The following CTNNA3 variants were observed in gnomAD, a reference collection of about 807,000 sequenced individuals.
CTNNA3 encodes catenin alpha-3.
CTNNA3 carries 76 observed loss-of-function variants against 95.7 expected under a neutral mutation model. The ratio of observed to expected loss-of-function variants is 0.79; its 90% confidence interval spans 0.66 to 0.96. The LOEUF (loss-of-function observed/expected upper bound fraction) is 0.96, where lower values mean the gene tolerates loss of function less well. CTNNA3 is among the 40% of genes least tolerant of loss of function. The probability of loss-of-function intolerance (pLI) is 0.00; values close to 1 mark genes in which losing one functional copy is unlikely to be tolerated. For missense variants in CTNNA3, 1,191 were observed against 1,089.8 expected, an observed-to-expected ratio of 1.09 and a Z score of -1.31; for synonymous variants, 431 against 374.4, an observed-to-expected ratio of 1.15 and a Z score of -1.74.
At chr10:66,332,492 T>C (rs146046269) in intron 12 of CTNNA3, among the ~76,000 whole-genome samples, 2,367 of 152,060 alleles carry the variant, frequency 0.016, 70 homozygotes, top group African/African-American at 0.055. Context: ...AATCATGTGG[T>C]TTTTGTCATT....
chr10:66,773,845 G>A (rs529691992), intron 8 of CTNNA3, among the ~76,000 whole-genome samples: 1 of 152,186 alleles, frequency 6.6e-6, no homozygotes, highest in East Asian at 1.9e-4. Flanking sequence ...ACTGATGGTA[G>A]TGAGGTGGAA....
At chr10:66,354,723 C>T (rs12573282) in intron 12 of CTNNA3, among the ~76,000 whole-genome samples, 79,798 of 151,740 alleles carry the variant, frequency 0.53, 22,828 homozygotes, top group Non-Finnish European at 0.64. Context: ...CCATTAGGAC[C>T]TAGACATCCA....
chr10:67,739,712 C>T (rs1196752348), intron 1 of CTNNA3, among the ~76,000 whole-genome samples: 1 of 152,048 alleles, frequency 6.6e-6, no homozygotes, highest in East Asian at 1.9e-4. Context: ...GAATCAATAT[C>T]GTGAAAATGG....
rs148125406 is a variant in CTNNA3 at position 67,335,665 on chromosome 10, C to A, written c.580-115795G>T. Among the ~76,000 whole-genome samples, 5 of 152,246 alleles carry A rather than the reference C, an allele frequency of 3.3e-5. No homozygotes were observed. The East Asian group carries it at 9.6e-4, about 29-fold the overall frequency. On this transcript the variant is annotated intron_variant, in intron 5 of 17. Coordinates refer to ENST00000433211, the MANE Select transcript of CTNNA3 (RefSeq NM_013266.4). ...GTTTAATATTAAAAGTGTTTTGAGT[C>A]TTTACTTAGAAGTTTGATATTTCTA...
chr10:67,538,691 C>T (rs1840566905), intron 4 of CTNNA3, among the ~76,000 whole-genome samples: 1 of 151,796 alleles, frequency 6.6e-6, no homozygotes, highest in African/African-American at 2.4e-5. Context: ...CAAATAAGAC[C>T]ATTGCTTACT....
chr10:67,306,923 C>T (rs1183144589), intron 5 of CTNNA3, among the ~76,000 whole-genome samples: 2 of 152,082 alleles, frequency 1.3e-5, no homozygotes, highest in Non-Finnish European at 2.9e-5. Flanking sequence ...TGTAAGTGTT[C>T]ATGGGAAGTG....
intron 7 of CTNNA3, among the ~76,000 whole-genome samples, chr10:66,798,172 AG>A (rs1029081241): frequency 2.4e-4 from 37 of 151,838 alleles, no homozygotes; most frequent in Non-Finnish European, 2.5e-4. Context: ...AAAGCTTAGA[AG>A]TGCCAAATCT....
chr10:66,862,200 C>G (rs549099508), intron 7 of CTNNA3, among the ~76,000 whole-genome samples: 1 of 151,920 alleles, frequency 6.6e-6, no homozygotes, highest in African/African-American at 2.4e-5. Flanking sequence ...GGCAACAGAG[C>G]GAGACACTGT....
In CTNNA3 at chr10:67,539,509, C is replaced by T; in HGVS notation, c.453G>A (p.Val151=). The change falls in exon 4 of 18, where the codon GTG becomes GTA. Residue 151 remains valine, a synonymous_variant. Coordinates refer to ENST00000433211, the MANE Select transcript of CTNNA3 (RefSeq NM_013266.4). The part of the protein sequence containing the change: ...MIDVMCLLQH[V]SAFQRTFESL... Reference sequence around the variant, plus strand: ...TAAGCCATCTTTTACTTACAGCTGACACATGTTGCAAGAGGCACATGACAT... The same window carrying T: ...TAAGCCATCTTTTACTTACAGCTGATACATGTTGCAAGAGGCACATGACAT... The T allele has an allele frequency of 6.2e-7, 1 of 1,613,166 alleles. No homozygotes were observed. Among genetic ancestry groups the T allele is most frequent in the Non-Finnish European group, 8.5e-7 (1 of 1,179,382 alleles).
At chr10:66,832,273 C>T (rs1842747700) in intron 7 of CTNNA3, among the ~76,000 whole-genome samples, 1 of 152,098 alleles carries the variant, frequency 6.6e-6, no homozygotes, top group African/African-American at 2.4e-5. Flanking sequence ...AAGCAGTAGA[C>T]AGGGCCTTAA....
rs187243619 is a variant in CTNNA3 at position 65,915,295 on chromosome 10, T to A, written c.*5035A>T. 3.9e-5 allele frequency: 6 copies of A among 152,182 alleles called. No individual in the cohort carries two copies. The highest frequency in any genetic ancestry group is 3.9e-4 in the Admixed American group (6 of 15,274). 9.4% of individuals were successfully genotyped at this position (152,182 alleles called of 1,614,324 possible). ...AATATGTGTAGTTCATCCTTTTGCC[T>A]TCGACACGACTTCACCAAACCACCA... On this transcript the variant is annotated 3_prime_UTR_variant, in exon 18 of 18. Coordinates refer to ENST00000433211, the MANE Select transcript of CTNNA3 (RefSeq NM_013266.4).
intron 17 of CTNNA3, among the ~76,000 whole-genome samples, chr10:65,927,872 A>G (rs12260064): frequency 0.038 from 5,762 of 152,202 alleles, 166 homozygotes; most frequent in East Asian, 0.15. Flanking sequence ...AAATTAACAA[A>G]CTGTTGACCA....
At chr10:66,707,409 T>G (rs1225194260) in intron 9 of CTNNA3, among the ~76,000 whole-genome samples, 2 of 151,992 alleles carry the variant, frequency 1.3e-5, no homozygotes, top group East Asian at 1.9e-4. Context: ...ATTTTTTTTT[T>G]GTCTTAGCAA....
intron 14 of CTNNA3, among the ~76,000 whole-genome samples, chr10:66,078,438 A>T (rs1330888577): frequency 6.6e-6 from 1 of 151,886 alleles, no homozygotes; most frequent in African/African-American, 2.4e-5. Context: ...TCATAAAATG[A>T]CTTCCAGACA....
At chr10:66,032,354 T>C (rs2133460565) in intron 15 of CTNNA3, among the ~76,000 whole-genome samples, 1 of 152,310 alleles carries the variant, frequency 6.6e-6, no homozygotes, top group East Asian at 1.9e-4. Flanking sequence ...TTTAGGTGAA[T>C]TATAATAAAT....
At chr10:67,734,243 CTG>C (rs1385878883) in intron 1 of CTNNA3, among the ~76,000 whole-genome samples, 9 of 152,090 alleles carry the variant, frequency 5.9e-5, no homozygotes, top group Non-Finnish European at 1.2e-4. Context: ...GCCAAGAACT[CTG>C]TGAAGATAAA....
chr10:65,919,298 T>A lies in CTNNA3; in HGVS notation c.*1032A>T, dbSNP rs193248937. 6.6e-6 allele frequency: 1 copy of A among 152,186 alleles called. No homozygotes were observed. Among genetic ancestry groups the A allele is most frequent in the Non-Finnish European group, 1.5e-5 (1 of 68,026 alleles). The allele number at this position is 152,186 out of a possible 1,614,324, so 9.4% of individuals were successfully genotyped here. On this transcript the variant is annotated 3_prime_UTR_variant, in exon 18 of 18. Coordinates refer to ENST00000433211, the MANE Select transcript of CTNNA3 (RefSeq NM_013266.4). ...CCAGTGACTTTTATTTAAAAGAACG[T>A]TATTAAAATCACTCCAGCTTCATTG...
intron 7 of CTNNA3, among the ~76,000 whole-genome samples, chr10:66,856,446 T>C (rs2132397136): frequency 6.6e-6 from 1 of 152,230 alleles, no homozygotes; most frequent in South Asian, 2.1e-4. Flanking sequence ...GATTGTTGGA[T>C]TAAATGGTAA....
chr10:67,444,937 A>G (rs1846682291), intron 5 of CTNNA3, among the ~76,000 whole-genome samples: 1 of 152,158 alleles, frequency 6.6e-6, no homozygotes, highest in Admixed American at 6.6e-5. Context: ...CTCAGGACCT[A>G]TGGCTTCACT....
Sources: allele counts gnomAD v4.1 joint callset (sites outside exome capture counted in the v4.1 genomes callset), GRCh38; gene constraint gnomAD v4.1.1; transcripts MANE v1.5; gene names NCBI Gene and HGNC (gene_info 2026-07-23, HGNC 2026-07-21).